JARID2: variants seen among roughly 807,000 people sequenced by gnomAD.
JARID2 encodes protein Jumonji.
JARID2 carries 21 observed loss-of-function variants against 125.6 expected under a neutral mutation model. That is an observed-to-expected ratio of 0.17 (90% CI 0.12 to 0.24). JARID2 has a LOEUF of 0.24. Among genes scored for constraint, JARID2 ranks in the 10% least tolerant of loss-of-function variants. The pLI is 1.00. For synonymous variants in JARID2, 736 were observed against 661.6 expected, an observed-to-expected ratio of 1.11 and a Z score of -1.73; for missense variants, 1,303 against 1,639.6, an observed-to-expected ratio of 0.79 and a Z score of 3.55.
At chr6:15,341,113 A>G (rs1354145534) in intron 1 of JARID2, among the ~76,000 whole-genome samples, 1 of 152,172 alleles carries the variant, frequency 6.6e-6, no homozygotes, top group Non-Finnish European at 1.5e-5. Context: ...AAAAAGTGTT[A>G]TTTTCACTGT....
At chr6:15,358,579 C>T (rs558873329) in intron 1 of JARID2, among the ~76,000 whole-genome samples, 9 of 152,204 alleles carry the variant, frequency 5.9e-5, no homozygotes, top group South Asian at 4.1e-4. Context: ...AGTAGGTGCT[C>T]GTTTTATGTT....
chr6:15,478,731 G>A (rs1184949538), intron 5 of JARID2, among the ~76,000 whole-genome samples: 8 of 151,942 alleles, frequency 5.3e-5, no homozygotes, highest in Non-Finnish European at 8.8e-5. Flanking sequence ...GTGCAATGGC[G>A]CGATCTCGGC....
intron 1 of JARID2, among the ~76,000 whole-genome samples, chr6:15,333,063 CT>C (rs775174674): frequency 2.3e-4 from 34 of 150,066 alleles, no homozygotes; most frequent in East Asian, 1.6e-3. Context: ...TCCCGAGTAG[CT>C]TGGGACTACA....
At chr6:15,347,576 A>C (rs1581439747) in intron 1 of JARID2, among the ~76,000 whole-genome samples, 1 of 152,208 alleles carries the variant, frequency 6.6e-6, no homozygotes, top group African/African-American at 2.4e-5. Context: ...GAGCTTGTGT[A>C]AGAAAATGAG....
At chr6:15,394,327 G>A (rs1451883815) in intron 2 of JARID2, among the ~76,000 whole-genome samples, 1 of 152,196 alleles carries the variant, frequency 6.6e-6, no homozygotes, top group Non-Finnish European at 1.5e-5. Context: ...ATTGAGATGA[G>A]CAAGGCGAAT....
At chr6:15,281,729 G>C (rs1760757624) in intron 1 of JARID2, among the ~76,000 whole-genome samples, 1 of 152,210 alleles carries the variant, frequency 6.6e-6, no homozygotes, top group East Asian at 1.9e-4. Context: ...CTAGTGTACT[G>C]TAGTTTATTT....
chr6:15,420,786 T>C (rs897140638), intron 3 of JARID2, among the ~76,000 whole-genome samples: 1 of 152,254 alleles, frequency 6.6e-6, no homozygotes, highest in Non-Finnish European at 1.5e-5. Context: ...CAGTGTTTAC[T>C]GTGAGGCATT....
At chr6:15,256,215 T>C (rs1439726559) in intron 1 of JARID2, among the ~76,000 whole-genome samples, 1 of 152,140 alleles carries the variant, frequency 6.6e-6, no homozygotes, top group East Asian at 1.9e-4. Flanking sequence ...TATAAATGAA[T>C]CAAATGAATT....
chr6:15,445,130 A>T (rs1400064575), intron 3 of JARID2, among the ~76,000 whole-genome samples: 2 of 152,204 alleles, frequency 1.3e-5, no homozygotes, highest in Non-Finnish European at 2.9e-5. Context: ...TACACTGTTG[A>T]TGACCCCAGA....
At chr6:15,430,044 G>A (rs1766904070) in intron 3 of JARID2, among the ~76,000 whole-genome samples, 1 of 152,194 alleles carries the variant, frequency 6.6e-6, no homozygotes. Flanking sequence ...CTTCTTGCAT[G>A]AAGATTCTCT....
At chr6:15,505,797 G>A (rs1770976940) in intron 9 of JARID2, among the ~76,000 whole-genome samples, 1 of 152,276 alleles carries the variant, frequency 6.6e-6, no homozygotes, top group African/African-American at 2.4e-5. Flanking sequence ...CAGCCACGAT[G>A]TCAGCTGAAC....
Position 15,496,747 on chromosome 6 carries a change from A to G in JARID2, c.1522A>G (p.Thr508Ala), listed in dbSNP as rs1364960202. The change falls in exon 7 of 18, where the codon ACG (threonine) becomes GCG (alanine). Residue 508 changes from threonine to alanine, a missense_variant. Transcript: ENST00000341776. The stretch of plus-strand genomic sequence containing the variant: ...GAAGCGGGCCACGGCCGGGAAGAGC[A>G]CGCCAGGCAGACAAGCACATGGCAA... ...RPKRATAGKS[T>A]PGRQAHGKAD... is the part of the protein sequence containing the mutation. 1 of 1,613,568 alleles carries G rather than the reference A, an allele frequency of 6.2e-7. No homozygotes were observed. Among genetic ancestry groups the G allele is most frequent in the Non-Finnish European group, 8.5e-7 (1 of 1,179,966 alleles).
intron 2 of JARID2, among the ~76,000 whole-genome samples, chr6:15,379,355 A>C (rs1186290204): frequency 6.6e-6 from 1 of 152,172 alleles, no homozygotes; most frequent in Admixed American, 6.5e-5. Context: ...GCCACTTTTC[A>C]TGGATGTAAT....
intron 3 of JARID2, among the ~76,000 whole-genome samples, chr6:15,421,996 A>G (rs1018853182): frequency 1.3e-5 from 2 of 152,208 alleles, no homozygotes; most frequent in Non-Finnish European, 2.9e-5. Flanking sequence ...AGTACATGAA[A>G]TGCCTTGCTT....
At chr6:15,250,111 C>G (rs1308941468) in intron 1 of JARID2, among the ~76,000 whole-genome samples, 1 of 152,108 alleles carries the variant, frequency 6.6e-6, no homozygotes, top group African/African-American at 2.4e-5. Context: ...AAACAAATTG[C>G]CAGTTTGATT....
intron 3 of JARID2, among the ~76,000 whole-genome samples, chr6:15,422,030 G>A (rs1581540324): frequency 6.6e-6 from 1 of 152,190 alleles, no homozygotes; most frequent in East Asian, 1.9e-4. Context: ...GCGATGGATA[G>A]AAAGGGGAAA....
At chr6:15,282,042 C>G (rs542955908) in intron 1 of JARID2, among the ~76,000 whole-genome samples, 1 of 151,820 alleles carries the variant, frequency 6.6e-6, no homozygotes, top group Non-Finnish European at 1.5e-5. Context: ...CTTTGCCTCC[C>G]GAGTTCAGAC....
intron 1 of JARID2, among the ~76,000 whole-genome samples, chr6:15,343,942 A>C (rs1387734503): frequency 6.6e-6 from 1 of 152,176 alleles, no homozygotes; most frequent in African/African-American, 2.4e-5. Context: ...CTTAATAAAT[A>C]GCTCCAGACT....
intron 2 of JARID2, among the ~76,000 whole-genome samples, chr6:15,382,563 A>G (rs1361170914): frequency 1.3e-5 from 2 of 152,200 alleles, no homozygotes; most frequent in African/African-American, 4.8e-5. Flanking sequence ...TGCAAAATTA[A>G]GGACTGCTAG....
Sources: allele counts gnomAD v4.1 joint callset (sites outside exome capture counted in the v4.1 genomes callset), GRCh38; gene constraint gnomAD v4.1.1; transcripts MANE v1.5; gene names NCBI Gene and HGNC (gene_info 2026-07-23, HGNC 2026-07-21).